ADAM10: variants seen among roughly 807,000 people sequenced by gnomAD.
ADAM10 encodes the protein ADAM metallopeptidase domain 10.
ADAM10 carries 17 observed loss-of-function variants against 90.1 expected under a neutral mutation model. That is an observed-to-expected ratio of 0.19 (90% CI 0.13 to 0.28). The LOEUF (loss-of-function observed/expected upper bound fraction) is 0.28. Among genes scored for constraint, ADAM10 ranks in the 10% least tolerant of loss-of-function variants. The probability of loss-of-function intolerance (pLI) is 1.00; values close to 1 mark genes in which losing one functional copy is unlikely to be tolerated. For synonymous variants in ADAM10, 310 were observed against 298.6 expected (o/e 1.04, Z -0.40); for missense variants, 610 against 914.3 (o/e 0.67, Z 4.29).
chr15:58,704,468 T>C (rs1458147822), intron 2 of ADAM10, among the ~76,000 whole-genome samples: 2 of 152,276 alleles, frequency 1.3e-5, no homozygotes, highest in East Asian at 1.9e-4. Context: ...CCAATGAACT[T>C]TGGCAATACA....
chr15:58,610,199 TAGTTA>T (rs370782541), intron 14 of ADAM10, 93 bp downstream of exon 14: 21 of 927,290 alleles, frequency 2.3e-5, no homozygotes, highest in South Asian at 9.7e-5. Flanking sequence ...CTAATATAAA[TAGTTA>T]AGTTGTTTTC....
Position 58,749,695 on chromosome 15 carries a change from A to C in ADAM10, c.-161T>G. ...AAGCACCTCCCTCTCGCTCCACTTC[A>C]GGGGCCGGCAACGCTCCTAGCTCCT... On this transcript the variant is annotated 5_prime_UTR_variant, in exon 1 of 16. Transcript: ENST00000260408. 7.0e-7 allele frequency: 1 copy of C among 1,431,034 alleles called. No homozygotes were observed. The highest frequency in any genetic ancestry group is 9.3e-7 in the Non-Finnish European group (1 of 1,080,764). 88.6% of individuals were successfully genotyped at this position (1,431,034 alleles called of 1,614,324 possible).
Position 58,749,618 on chromosome 15 carries a change from G to C in ADAM10, c.-84C>G. 1.3e-6 allele frequency: 2 copies of C among 1,543,086 alleles called. No homozygotes were observed. The highest frequency in any genetic ancestry group is 1.7e-4 in the Middle Eastern group (1 of 5,962). On this transcript the variant is annotated 5_prime_UTR_variant, in exon 1 of 16. Coordinates refer to ENST00000260408, the MANE Select transcript of ADAM10 (RefSeq NM_001110.4). Reference sequence around the variant, plus strand: ...CCGGAGGGAGAAGCTGAAGGGGCTTGGTCCGGAGCCTCCACGGGAAGCCGG... The same window carrying C: ...CCGGAGGGAGAAGCTGAAGGGGCTTCGTCCGGAGCCTCCACGGGAAGCCGG...
In ADAM10 at chr15:58,693,761, T is replaced by TAAA. The variant is rs36118429; in HGVS notation, c.207-11450_207-11448dup. ...CAAAACTTCCGCTGAGAAATAGCTT[T>TAAA]AAAAAAAAAAAAAAAGGCAAGCCAC... is the stretch of plus-strand genomic sequence containing the variant. On this transcript the variant is annotated intron_variant, in intron 2 of 15. Transcript: ENST00000260408. Among the ~76,000 whole-genome samples the TAAA allele has an allele frequency of 2.1e-3, 292 of 135,942 alleles. 4 individuals are homozygous for TAAA. The highest frequency in any genetic ancestry group is 6.9e-3 in the African/African-American group (251 of 36,612). 89.2% of individuals were successfully genotyped at this position (135,942 alleles called of 152,430 possible).
At chr15:58,608,532 GA>G (rs1895343402) in intron 14 of ADAM10, among the ~76,000 whole-genome samples, 1 of 152,138 alleles carries the variant, frequency 6.6e-6, no homozygotes, top group African/African-American at 2.4e-5. Context: ...CATGCTATTC[GA>G]AAGACTGGCA....
At chr15:58,627,211 C>A (rs1473912984) in intron 10 of ADAM10, among the ~76,000 whole-genome samples, 2 of 152,062 alleles carry the variant, frequency 1.3e-5, no homozygotes, top group East Asian at 3.9e-4. Flanking sequence ...TATATGAAGA[C>A]AAAGCCAATG....
chr15:58,708,482 C>A (rs1898373115), intron 2 of ADAM10, among the ~76,000 whole-genome samples: 1 of 151,962 alleles, frequency 6.6e-6, no homozygotes, highest in East Asian at 1.9e-4. Context: ...GGCAACACAG[C>A]AAGAAGCCCT....
chr15:58,688,109 T>C (rs1405936899), intron 2 of ADAM10, among the ~76,000 whole-genome samples: 2 of 152,082 alleles, frequency 1.3e-5, no homozygotes, highest in Non-Finnish European at 2.9e-5. Context: ...TCAATCTTGG[T>C]TTTGATGTTG....
At chr15:58,667,270 T>C (rs1596046858) in intron 4 of ADAM10, among the ~76,000 whole-genome samples, 1 of 152,320 alleles carries the variant, frequency 6.6e-6, no homozygotes, top group East Asian at 1.9e-4. Flanking sequence ...CAAATATAAA[T>C]AGTACATATA....
intron 7 of ADAM10, among the ~76,000 whole-genome samples, chr15:58,642,357 C>T (rs747211630): frequency 6.6e-6 from 1 of 151,560 alleles, no homozygotes; most frequent in Non-Finnish European, 1.5e-5. Flanking sequence ...CCCAGCTACT[C>T]GGGAGGCTGA....
rs111681880 is a variant in ADAM10, at chr15:58,681,567, C to T, written c.325+629G>A. 3.4e-3 allele frequency among the ~76,000 whole-genome samples: 521 copies of T among 152,300 alleles called. 5 individuals carry two copies. The highest frequency in any genetic ancestry group is 0.012 in the African/African-American group (500 of 41,574). ...TAAAACAATGACATTTTGCCTCTCT[C>T]CAACACCCCCAGAAGATTTTCATTT... On this transcript the variant is annotated intron_variant, in intron 3 of 15. Transcript: ENST00000260408.
At chr15:58,736,372 T>C (rs1195657732) in intron 1 of ADAM10, among the ~76,000 whole-genome samples, 1 of 152,192 alleles carries the variant, frequency 6.6e-6, no homozygotes, top group Non-Finnish European at 1.5e-5. Context: ...TATATTACAG[T>C]CACATGGTAC....
chr15:58,719,022 T>G (rs1394343316), intron 1 of ADAM10, among the ~76,000 whole-genome samples: 1 of 152,196 alleles, frequency 6.6e-6, no homozygotes, highest in Non-Finnish European at 1.5e-5. Context: ...TGATGACCAA[T>G]GCCTTAAAAA....
Position 58,588,925 on chromosome 15 carries a change from T to C in ADAM10, c.*8622A>G, listed in dbSNP as rs1194115301. ...ATGCCTTTCCCATTTTTGCAAAACA[T>C]GGTCGGTATGTTTCATATTCTATAA... On this transcript the variant is annotated 3_prime_UTR_variant, in exon 16 of 16. Coordinates refer to ENST00000260408, the MANE Select transcript of ADAM10 (RefSeq NM_001110.4). The C allele has an allele frequency of 2.0e-5, 3 of 152,196 alleles. No homozygotes were observed. The highest frequency in any genetic ancestry group is 2.9e-5 in the Non-Finnish European group (2 of 68,024). 9.4% of individuals were successfully genotyped at this position (152,196 alleles called of 1,614,324 possible). A position where few individuals can be genotyped will look rare whatever the true frequency, so the allele number is the denominator to read the frequency against.
chr15:58,733,196 G>C (rs1171528979), intron 1 of ADAM10: 1 of 152,302 alleles, frequency 6.6e-6, no homozygotes, highest in African/African-American at 2.4e-5. Flanking sequence ...TCATAAAAGA[G>C]AAGAGCTGAC....
intron 5 of ADAM10, among the ~76,000 whole-genome samples, chr15:58,646,420 A>C (rs1896550418): frequency 6.6e-6 from 1 of 152,206 alleles, no homozygotes; most frequent in Non-Finnish European, 1.5e-5. Flanking sequence ...ACTTTTAAAC[A>C]TTTTCAAAAC....
intron 5 of ADAM10, among the ~76,000 whole-genome samples, chr15:58,652,068 G>C (rs1269591314): frequency 2.0e-5 from 3 of 152,014 alleles, no homozygotes. Flanking sequence ...TGTCTATTCA[G>C]ATCTTTTGCC....
chr15:58,740,121 G>C (rs564539032), intron 1 of ADAM10, among the ~76,000 whole-genome samples: 25 of 150,862 alleles, frequency 1.7e-4, no homozygotes, highest in African/African-American at 6.0e-4. Context: ...ATAAAGAACA[G>C]CAATATCAAA....
rs966288241 is a variant in ADAM10, at chr15:58,729,948, C to T, written c.56-12221G>A. Among the ~76,000 whole-genome samples, 16 of 141,766 alleles carry T rather than the reference C, an allele frequency of 1.1e-4. No homozygotes were observed. The South Asian group carries it at 3.1e-3, about 27-fold the overall frequency. 93.0% of individuals were successfully genotyped at this position (141,766 alleles called of 152,430 possible). ...CTGTACTCCAGCGTAAGCAACAGAA[C>T]GAGGCTCTGTAAAAAAAAACAAAAA... On this transcript the variant is annotated intron_variant, in intron 1 of 15. Coordinates refer to ENST00000260408, the MANE Select transcript of ADAM10 (RefSeq NM_001110.4).
Sources: allele counts gnomAD v4.1 joint callset (sites outside exome capture counted in the v4.1 genomes callset), GRCh38; gene constraint gnomAD v4.1.1; transcripts MANE v1.5; gene names NCBI Gene and HGNC (gene_info 2026-07-23, HGNC 2026-07-21).